PLA2G12A: variants seen among roughly 807,000 people sequenced by gnomAD.
The protein encoded by PLA2G12A is phospholipase A2 group XIIA, also known as group XIIA secretory phospholipase A2.
PLA2G12A carries 11 observed loss-of-function variants against 16.0 expected under a neutral mutation model. The observed-to-expected ratio is 0.69, with a 90% CI of 0.43 to 1.13. PLA2G12A has a LOEUF of 1.13. PLA2G12A is among the 50% of genes most tolerant of loss of function. The pLI, the probability that PLA2G12A is intolerant of heterozygous loss-of-function variation, is 0.00. For synonymous variants in PLA2G12A, 77 were observed against 93.8 expected, an observed-to-expected ratio of 0.82 and a Z score of 1.03; for missense variants, 214 against 237.3, an observed-to-expected ratio of 0.90 and a Z score of 0.65.
At chr4:109,717,492 C>T in intron 3 of PLA2G12A, 56 bp downstream of exon 3, 1 of 1,509,192 alleles carries the variant, frequency 6.6e-7, no homozygotes, top group Non-Finnish European at 9.1e-7. Flanking sequence ...AAACATAGAG[C>T]ATTTGATACA....
At chr4:109,714,915 A>G (rs1405085512) in intron 3 of PLA2G12A, among the ~76,000 whole-genome samples, 1 of 151,632 alleles carries the variant, frequency 6.6e-6, no homozygotes, top group Non-Finnish European at 1.5e-5. Flanking sequence ...TTTAAATTTA[A>G]TTTTTAATTT....
rs2126165802 is a variant in PLA2G12A, at chr4:109,712,979, G to A, written c.*1398C>T. On this transcript the variant is annotated 3_prime_UTR_variant, in exon 4 of 4. Coordinates refer to ENST00000243501, the MANE Select transcript of PLA2G12A (RefSeq NM_030821.5). ...ACCAATTCAAGTTGGAAGATACTAG[G>A]TTCCCGGCAATGACATATCTCCAAA... The A allele has an allele frequency of 6.6e-6, 1 of 152,142 alleles. No individual in the cohort carries two copies. Among genetic ancestry groups the A allele is most frequent in the East Asian group, 1.9e-4 (1 of 5,202 alleles). The allele number at this position is 152,142 out of a possible 1,614,324, so 9.4% of individuals were successfully genotyped here.
Position 109,729,751 on chromosome 4 carries a change from A to C in PLA2G12A, c.59T>G (p.Val20Gly), listed in dbSNP as rs1414519891. The C allele has an allele frequency of 1.3e-6, 2 of 1,586,960 alleles. No homozygotes were observed. Among genetic ancestry groups the C allele is most frequent in the African/African-American group, 2.7e-5 (2 of 74,192 alleles). ...TLLLLLMAAV[V>G]RCQEQAQTTD... ...GGTCTGGGCCTGCTCCTGGCACCTG[A>C]CAACAGCGGCCATGAGGAGGAGCAG... Residue 20 changes from valine to glycine, a missense_variant, in exon 1 of 4, where the codon GTC becomes GGC. Physicochemically the swap from Val to Gly is moderately radical, Grantham distance 109. Coordinates refer to ENST00000243501, the MANE Select transcript of PLA2G12A (RefSeq NM_030821.5).
In PLA2G12A at chr4:109,710,477, T is replaced by C. The variant is rs896047717; in HGVS notation, c.*3900A>G. 6.6e-6 allele frequency: 1 copy of C among 152,232 alleles called. No homozygotes were observed. Among genetic ancestry groups the C allele is most frequent in the Non-Finnish European group, 1.5e-5 (1 of 68,038 alleles). The allele number at this position is 152,232 out of a possible 1,614,324, so 9.4% of individuals were successfully genotyped here. ...GTTTTAGGCTAACAATTTTTTTTCTTCTTTCCAAGACAGAGTCTTATTCTG... is the reference window on the plus strand; with the variant it reads ...GTTTTAGGCTAACAATTTTTTTTCTCCTTTCCAAGACAGAGTCTTATTCTG... On this transcript the variant is annotated 3_prime_UTR_variant, in exon 4 of 4. Transcript: ENST00000243501.
At chr4:109,721,335 T>C (rs1299182953) in intron 1 of PLA2G12A, among the ~76,000 whole-genome samples, 2 of 151,584 alleles carry the variant, frequency 1.3e-5, no homozygotes, top group African/African-American at 4.8e-5. Flanking sequence ...TTTTTTTTTT[T>C]TGAGATGGAG....
At chr4:109,715,894 T>C (rs572194206) in intron 3 of PLA2G12A, among the ~76,000 whole-genome samples, 5 of 152,388 alleles carry the variant, frequency 3.3e-5, no homozygotes, top group African/African-American at 1.2e-4. Flanking sequence ...TACAGAGATA[T>C]AGCACAGAGT....
chr4:109,729,456 G>T (rs1295529631), intron 1 of PLA2G12A, 146 bp downstream of exon 1: 3 of 846,710 alleles, frequency 3.5e-6, no homozygotes, highest in Non-Finnish European at 5.4e-6. Flanking sequence ...CACTAGAACG[G>T]CAAGATTCTA....
chr4:109,724,293 T>C (rs1722878005), intron 1 of PLA2G12A, among the ~76,000 whole-genome samples: 3 of 152,152 alleles, frequency 2.0e-5, no homozygotes, highest in African/African-American at 7.2e-5. Context: ...GCCTGGCTAA[T>C]CTTGTATTTT....
rs1730790852 is a variant in PLA2G12A at position 109,714,424 on chromosome 4, G to A, written c.523C>T (p.Gln175Ter). The stretch of plus-strand genomic sequence containing the variant: ...TAATGACACCTGCATGCGGCTCGTT[G>A]GCTGTCCAGATATGGTTTACAACCT... ...HLGCKPYLDSQRAACRCHYEE... is the reference protein window; with the variant it reads ...HLGCKPYLDS The change falls in exon 4 of 4, where the codon CAA becomes TAA. Residue 175 changes from glutamine to a stop codon, truncating the protein, a stop_gained. Transcript: ENST00000243501. LOFTEE classifies it high-confidence loss of function. 6.2e-7 allele frequency: 1 copy of A among 1,613,824 alleles called. No homozygotes were observed. Among genetic ancestry groups the A allele is most frequent in the African/African-American group, 1.3e-5 (1 of 74,848 alleles).
chr4:109,717,672 T>A lies in PLA2G12A; in HGVS notation c.327A>T (p.Gln109His), dbSNP rs755557101. 2.5e-6 allele frequency: 4 copies of A among 1,614,012 alleles called. No individual in the cohort carries two copies. The highest frequency in any genetic ancestry group is 2.5e-6 in the Non-Finnish European group (3 of 1,179,876). Residue 109 changes from glutamine to histidine, a missense_variant, in exon 3 of 4, where the codon CAA becomes CAT. Physicochemically the swap from Gln to His is conservative, Grantham distance 24 (BLOSUM62 0). Transcript: ENST00000243501. Reference protein sequence around the residue: ...GIPSLTKCCNQHDRCYETCGK... With the variant: ...GIPSLTKCCNHHDRCYETCGK... ...CACAGGTCTCATAGCACCTGTCGTG[T>A]TGGTTGCAACACTTTGTCAGGGAAG... is the stretch of plus-strand genomic sequence containing the variant.
chr4:109,717,648 A>C lies in PLA2G12A; in HGVS notation c.351T>G (p.Cys117Trp), dbSNP rs199600779. 18 of 1,613,858 alleles carry C rather than the reference A, an allele frequency of 1.1e-5. No individual in the cohort carries two copies. The highest frequency in any genetic ancestry group is 1.5e-5 in the Non-Finnish European group (18 of 1,179,830). Residue 117 changes from cysteine to tryptophan, a missense_variant, in exon 3 of 4, where the codon TGT (cysteine) becomes TGG (tryptophan). Coordinates refer to ENST00000243501, the MANE Select transcript of PLA2G12A (RefSeq NM_030821.5). Reference protein sequence around the residue: ...CNQHDRCYETCGKSKNDCDEE... With the variant: ...CNQHDRCYETWGKSKNDCDEE... ...CATCACAGTCATTCTTGCTTTTGCCACAGGTCTCATAGCACCTGTCGTGTT... is the reference window on the plus strand; with the variant it reads ...CATCACAGTCATTCTTGCTTTTGCCCCAGGTCTCATAGCACCTGTCGTGTT...
Position 109,710,340 on chromosome 4 carries a change from G to C in PLA2G12A, c.*4037C>G, listed in dbSNP as rs569314732. ...TCTTCTTTACTGTTAGATGTTATAC[G>C]TGTCTTGTACTAGGATAAAATAATG... On this transcript the variant is annotated 3_prime_UTR_variant, in exon 4 of 4. Coordinates refer to ENST00000243501, the MANE Select transcript of PLA2G12A (RefSeq NM_030821.5). 6.6e-6 allele frequency: 1 copy of C among 152,162 alleles called. No individual in the cohort carries two copies. The highest frequency in any genetic ancestry group is 2.4e-5 in the African/African-American group (1 of 41,436). 9.4% of individuals were successfully genotyped at this position (152,162 alleles called of 1,614,324 possible).
In PLA2G12A at chr4:109,729,810, G is replaced by A. The variant is rs1283865165; in HGVS notation, c.-1C>T. On this transcript the variant is annotated 5_prime_UTR_variant, in exon 1 of 4. Transcript: ENST00000243501. ...GCGCGGGGCGCGAGAGCAGGGCCAT[G>A]CGCGCAGCGCCGGGCTCTACGGGTC... The A allele has an allele frequency of 6.5e-7, 1 of 1,548,968 alleles. No individual in the cohort carries two copies. Among genetic ancestry groups the A allele is most frequent in the Non-Finnish European group, 8.7e-7 (1 of 1,146,808 alleles).
chr4:109,724,588 T>C (rs1722893088), intron 1 of PLA2G12A, among the ~76,000 whole-genome samples: 1 of 152,192 alleles, frequency 6.6e-6, no homozygotes, highest in Non-Finnish European at 1.5e-5. Flanking sequence ...CATATATATG[T>C]GTATGCATGC....
At chr4:109,714,719 C>G (rs1168435740) in intron 3 of PLA2G12A, among the ~76,000 whole-genome samples, 1 of 150,662 alleles carries the variant, frequency 6.6e-6, no homozygotes, top group African/African-American at 2.4e-5. Context: ...TTGCATTCAA[C>G]TGTTTAACCC....
intron 1 of PLA2G12A, among the ~76,000 whole-genome samples, chr4:109,728,296 T>C (rs1722978962): frequency 6.6e-6 from 1 of 152,188 alleles, no homozygotes; most frequent in Non-Finnish European, 1.5e-5. Context: ...CGGACAGAGA[T>C]TTTTGTCTGT....
In PLA2G12A at chr4:109,712,327, T is replaced by G. The variant is rs2126165638; in HGVS notation, c.*2050A>C. 1 of 152,322 alleles carries G rather than the reference T, an allele frequency of 6.6e-6. No homozygotes were observed. Among genetic ancestry groups the G allele is most frequent in the East Asian group, 1.9e-4 (1 of 5,188 alleles). The allele number at this position is 152,322 out of a possible 1,614,324, so 9.4% of individuals were successfully genotyped here. On this transcript the variant is annotated 3_prime_UTR_variant, in exon 4 of 4. Coordinates refer to ENST00000243501, the MANE Select transcript of PLA2G12A (RefSeq NM_030821.5). ...CTAAAATTATCCCAAGTTTTTTTTT[T>G]TAATCTGAACATAAAAAACTGTTTC... is the stretch of plus-strand genomic sequence containing the variant.
At chr4:109,718,477 T>C (rs931746655) in intron 2 of PLA2G12A, among the ~76,000 whole-genome samples, 2 of 152,240 alleles carry the variant, frequency 1.3e-5, no homozygotes, top group Non-Finnish European at 2.9e-5. Flanking sequence ...ATTTAAATAG[T>C]ACGAACATCT....
intron 2 of PLA2G12A, among the ~76,000 whole-genome samples, chr4:109,718,160 A>AT (rs890345078): frequency 1.4e-4 from 22 of 152,084 alleles, no homozygotes; most frequent in Admixed American, 5.9e-4. Context: ...TACAACTCAA[A>AT]TTTTTTTGTT....
Sources: allele counts gnomAD v4.1 joint callset (sites outside exome capture counted in the v4.1 genomes callset), GRCh38; gene constraint gnomAD v4.1.1; transcripts MANE v1.5; gene names NCBI Gene and HGNC (gene_info 2026-07-23, HGNC 2026-07-21).